Variants in ZFHX3 observed in about 807,000 individuals in gnomAD.
ZFHX3 encodes the protein zinc finger homeobox 3, also known as zinc finger homeobox protein 3.
A neutral mutation model predicts 279.1 loss-of-function variants in ZFHX3; 42 were observed. That is an observed-to-expected ratio of 0.15 (90% CI 0.12 to 0.19). The LOEUF (loss-of-function observed/expected upper bound fraction) is 0.19, where lower values mean the gene tolerates loss of function less well. Ranked by LOEUF, ZFHX3 falls within the 10% of genes least tolerant of loss-of-function variation. ZFHX3 has a pLI of 1.00. For missense variants in ZFHX3, 4,981 were observed against 4,754.0 expected (o/e 1.05, Z -1.40); for synonymous variants, 2,293 against 1,957.8 (o/e 1.17, Z -4.52).
At chr16:73,794,495 A>G (rs1302683380) in intron 1 of ZFHX3, among the ~76,000 whole-genome samples, 1 of 152,230 alleles carries the variant, frequency 6.6e-6, no homozygotes, top group African/African-American at 2.4e-5. Flanking sequence ...AAGACACTCA[A>G]CACCTTTAGG....
chr16:73,770,896 G>C (rs1379090008), intron 1 of ZFHX3, among the ~76,000 whole-genome samples: 1 of 152,178 alleles, frequency 6.6e-6, no homozygotes, highest in Non-Finnish European at 1.5e-5. Context: ...ACCATTATGT[G>C]TTAGACGGAT....
Position 72,797,596 on chromosome 16 carries a change from G to T in ZFHX3, c.5086C>A (p.Pro1696Thr). Residue 1696 changes from proline to threonine, a missense_variant, in exon 9 of 10, where the codon CCT becomes ACT. Physicochemically the swap from Pro to Thr is conservative, Grantham distance 38 (BLOSUM62 -1). This residue lies in a region of ZFHX3 where 1,751 missense variants were observed against 1,770.0 expected (regional missense o/e 0.99). Transcript: ENST00000268489. ...GGGGAAGCAATGTTGGCACCAATAG[G>T]ATTCCCCAGGGGTGGCATCCCTACA... is the stretch of plus-strand genomic sequence containing the variant. Reference protein sequence around the residue: ...ESVGMPPLGNPIGANIASPSE... With the variant: ...ESVGMPPLGNTIGANIASPSE... 6.2e-7 allele frequency: 1 copy of T among 1,614,094 alleles called. No individual in the cohort carries two copies. Among genetic ancestry groups the T allele is most frequent in the Non-Finnish European group, 8.5e-7 (1 of 1,180,012 alleles).
chr16:72,811,723 C>G lies in ZFHX3; in HGVS notation c.3718G>C (p.Val1240Leu). The change falls in exon 7 of 10, where the codon GTG becomes CTG. Residue 1240 changes from valine to leucine, a missense_variant. Coordinates refer to ENST00000268489, the MANE Select transcript of ZFHX3 (RefSeq NM_006885.4). ...ACCGAGTGCTGCGTCATGGCATGCACCCGGAGCCGGTTGACATCGGCATTA... is the reference window on the plus strand; with the variant it reads ...ACCGAGTGCTGCGTCATGGCATGCAGCCGGAGCCGGTTGACATCGGCATTA... ...YSNADVNRLR[V>L]HAMTQHSVQP... The G allele has an allele frequency of 6.2e-7, 1 of 1,614,058 alleles. No homozygotes were observed. The highest frequency in any genetic ancestry group is 8.5e-7 in the Non-Finnish European group (1 of 1,180,016).
intron 5 of ZFHX3, chr16:73,232,375 G>A (rs1378922414): frequency 6.6e-6 from 1 of 152,234 alleles, no homozygotes; most frequent in East Asian, 1.9e-4. Context: ...AGCAGGCAAA[G>A]GCTGCTGCGG....
chr16:73,124,727 G>A (rs896872032), intron 7 of ZFHX3, among the ~76,000 whole-genome samples: 3 of 152,206 alleles, frequency 2.0e-5, no homozygotes, highest in Non-Finnish European at 4.4e-5. Flanking sequence ...ACACAAGAGA[G>A]AGTGTAGCGC....
At position 72,788,477 on chromosome 16, in the gene ZFHX3, C is replaced by G. The variant is rs2035554198; in HGVS notation, c.9799G>C (p.Ala3267Pro). The change falls in exon 10 of 10, where the codon GCA becomes CCA. Residue 3267 changes from alanine (A) to proline (P), a missense_variant. This residue lies in a region of ZFHX3 where 1,034 missense variants were observed against 786.0 expected (regional missense o/e 1.32). Coordinates refer to ENST00000268489, the MANE Select transcript of ZFHX3 (RefSeq NM_006885.4). ...GGGGCTGAGATCGTGGCTGCAGTTG[C>G]CGTGGGGGCCTCTCCTTTCTCCTTC... ...PKKEKGEAPTATAATISAPLP... is the reference protein window; with the variant it reads ...PKKEKGEAPTPTAATISAPLP... The G allele has an allele frequency of 4.3e-6, 7 of 1,614,164 alleles. No individual in the cohort carries two copies. The highest frequency in any genetic ancestry group is 1.1e-5 in the South Asian group (1 of 91,082).
intron 1 of ZFHX3, among the ~76,000 whole-genome samples, chr16:72,989,527 C>G (rs554717154): frequency 6.6e-6 from 1 of 151,434 alleles, no homozygotes; most frequent in African/African-American, 2.4e-5. Flanking sequence ...CCAGCCAATG[C>G]GAGAAGCAGG....
At position 72,958,352 on chromosome 16, in the gene ZFHX3, G is replaced by A. The variant is rs2144441626; in HGVS notation, c.1794C>T (p.Asp598=). 1 of 1,614,114 alleles carries A rather than the reference G, an allele frequency of 6.2e-7. No homozygotes were observed. Among genetic ancestry groups the A allele is most frequent in the Non-Finnish European group, 8.5e-7 (1 of 1,179,980 alleles). ...LDFADESANK[D]NATAPEPNES... The stretch of plus-strand genomic sequence containing the variant: ...CATTTGGTTCTGGTGCTGTGGCATT[G>A]TCTTTATTGGCACTTTCGTCAGCGA... The change falls in exon 2 of 10, where the codon GAC becomes GAT. Residue 598 remains aspartate, a synonymous_variant. Coordinates refer to ENST00000268489, the MANE Select transcript of ZFHX3 (RefSeq NM_006885.4).
chr16:72,914,866 C>A (rs2039403712), intron 3 of ZFHX3, among the ~76,000 whole-genome samples: 1 of 152,054 alleles, frequency 6.6e-6, no homozygotes, highest in African/African-American at 2.4e-5. Flanking sequence ...TGGTGTGCGC[C>A]TATAGTCCCA....
chr16:73,656,073 G>A (rs1318654117), intron 2 of ZFHX3, among the ~76,000 whole-genome samples: 1 of 152,200 alleles, frequency 6.6e-6, no homozygotes, highest in African/African-American at 2.4e-5. Context: ...TCAGTCACTT[G>A]AATCAGGGGT....
At chr16:73,475,104 T>A (rs765046391) in intron 2 of ZFHX3, among the ~76,000 whole-genome samples, 1 of 152,234 alleles carries the variant, frequency 6.6e-6, no homozygotes, top group Non-Finnish European at 1.5e-5. Context: ...CATTTCTTAA[T>A]TCTTTTTGCT....
chr16:73,319,490 C>T (rs944452063), intron 3 of ZFHX3, among the ~76,000 whole-genome samples: 4 of 152,068 alleles, frequency 2.6e-5, no homozygotes, highest in Admixed American at 2.6e-4. Flanking sequence ...TGAGGGCTAG[C>T]TGTGGTCACC....
At chr16:73,109,059 C>T (rs1428575886) in intron 7 of ZFHX3, among the ~76,000 whole-genome samples, 2 of 152,222 alleles carry the variant, frequency 1.3e-5, no homozygotes, top group African/African-American at 4.8e-5. Context: ...TCAGAGGGGA[C>T]CCTCCACAGC....
intron 3 of ZFHX3, among the ~76,000 whole-genome samples, chr16:73,412,618 G>C (rs111377735): frequency 0.011 from 1,655 of 152,288 alleles, 33 homozygotes; most frequent in African/African-American, 0.037. Flanking sequence ...CCGATGGCCT[G>C]AGAGAAGAGG....
chr16:73,855,907 A>G (rs745743227), intron 1 of ZFHX3, among the ~76,000 whole-genome samples: 1 of 152,198 alleles, frequency 6.6e-6, no homozygotes, highest in Non-Finnish European at 1.5e-5. Flanking sequence ...TCTATGTTCA[A>G]TGTTGTCTAT....
At chr16:73,583,199 G>A (rs962806541) in intron 2 of ZFHX3, among the ~76,000 whole-genome samples, 3 of 151,992 alleles carry the variant, frequency 2.0e-5, no homozygotes, top group Admixed American at 2.0e-4. Flanking sequence ...TCCCATTCCT[G>A]TACATCCCTC....
chr16:72,862,984 C>T (rs1344529843), intron 4 of ZFHX3, among the ~76,000 whole-genome samples: 2 of 152,134 alleles, frequency 1.3e-5, no homozygotes, highest in Admixed American at 6.5e-5. Flanking sequence ...ACAGCTCACA[C>T]CTGTAATTCC....
rs139113192 is a variant in ZFHX3, at chr16:73,815,086, T to C, written c.-1608+76565A>G. Among the ~76,000 whole-genome samples the C allele has an allele frequency of 1.5e-3, 225 of 152,338 alleles. 1 individual carries two copies. Among genetic ancestry groups the C allele is most frequent in the Non-Finnish European group, 2.3e-3 (159 of 68,034 alleles). On this transcript the variant is annotated intron_variant, in intron 1 of 17. Transcript: ENST00000641206. ...TGTGTAACTTACGGATGTAAACATGTGCAAAGCACTTAACCCAAAGCCTAG... is the reference window on the plus strand; with the variant it reads ...TGTGTAACTTACGGATGTAAACATGCGCAAAGCACTTAACCCAAAGCCTAG...
At chr16:72,866,049 G>A (rs912084120) in intron 4 of ZFHX3, among the ~76,000 whole-genome samples, 1 of 152,214 alleles carries the variant, frequency 6.6e-6, no homozygotes, top group Non-Finnish European at 1.5e-5. Context: ...ATGTGATGCG[G>A]TCGTGAGATG....
Sources: gnomAD v4.1 joint callset for allele counts (sites outside exome capture counted in the v4.1 genomes callset) on GRCh38, gnomAD v4.1.1 for gene constraint, gnomAD v4.1.1 regional missense constraint, MANE v1.5 for transcripts, NCBI Gene and HGNC (gene_info 2026-07-23, HGNC 2026-07-21) for gene names.